The following AFF4 variants were observed in gnomAD, a reference collection of about 807,000 sequenced individuals.
AFF4 encodes the protein ALF transcription elongation factor 4.
A neutral mutation model predicts 124.8 loss-of-function variants in AFF4; 13 were observed. The ratio of observed to expected loss-of-function variants is 0.10; its 90% CI spans 0.07 to 0.17. AFF4 has a LOEUF of 0.17. AFF4 is among the 10% of genes least tolerant of loss of function. AFF4 has a pLI of 1.00. For synonymous variants in AFF4, 477 were observed against 496.1 expected, an observed-to-expected ratio of 0.96 and a Z score of 0.51; for missense variants, 1,092 against 1,403.8, an observed-to-expected ratio of 0.78 and a Z score of 3.55.
chr5:132,891,492 G>A (rs1419065585), intron 13 of AFF4, among the ~76,000 whole-genome samples: 2 of 152,072 alleles, frequency 1.3e-5, no homozygotes, highest in African/African-American at 4.8e-5. Context: ...CCTTGAAAAA[G>A]CTCCTTTGAT....
chr5:132,914,678 A>G (rs567606979), intron 5 of AFF4, among the ~76,000 whole-genome samples: 1 of 152,244 alleles, frequency 6.6e-6, no homozygotes, highest in South Asian at 2.1e-4. Context: ...AGTGCAATAA[A>G]AAACAAAAAC....
chr5:132,891,300 A>T (rs1760249331), intron 13 of AFF4, among the ~76,000 whole-genome samples: 1 of 152,128 alleles, frequency 6.6e-6, no homozygotes, highest in African/African-American at 2.4e-5. Context: ...AATTTAAAAA[A>T]TTTTAATTTT....
At position 132,937,084 on chromosome 5, in the gene AFF4, C is replaced by A. The variant is rs751424940; in HGVS notation, c.106G>T (p.Ala36Ser). 6.2e-7 allele frequency: 1 copy of A among 1,613,088 alleles called. No homozygotes were observed. Among genetic ancestry groups the A allele is most frequent in the East Asian group, 2.2e-5 (1 of 44,854 alleles). ...CAACTTACAACTTTGTATGGCTCTG[C>A]AAAGAGAGGAGAGCTAGGTGGGAAG... ...DAFPPSSPLFAEPYKVTSKED... is the reference protein window; with the variant it reads ...DAFPPSSPLFSEPYKVTSKED... Residue 36 changes from alanine (A) to serine (S), a missense_variant, in exon 2 of 21, where the codon GCA (alanine) becomes TCA (serine). This residue lies in a region of AFF4 where 35 missense variants were observed against 70.9 expected (regional missense o/e 0.49). Transcript: ENST00000265343.
intron 19 of AFF4, among the ~76,000 whole-genome samples, chr5:132,884,269 G>A (rs755945294): frequency 6.6e-6 from 1 of 152,156 alleles, no homozygotes; most frequent in Non-Finnish European, 1.5e-5. Flanking sequence ...AGACACTCAT[G>A]CTCTGTCACC....
chr5:132,900,325 G>A (rs1190105920), intron 7 of AFF4, among the ~76,000 whole-genome samples: 1 of 152,210 alleles, frequency 6.6e-6, no homozygotes, highest in Non-Finnish European at 1.5e-5. Flanking sequence ...GGGAGGCTGA[G>A]GTTGGCGGAT....
Position 132,896,886 on chromosome 5 carries a change from G to A in AFF4, c.1744C>T (p.Leu582=). 1.9e-6 allele frequency: 3 copies of A among 1,614,100 alleles called. No homozygotes were observed. The highest frequency in any genetic ancestry group is 2.5e-6 in the Non-Finnish European group (3 of 1,180,024). Residue 582 remains leucine, a synonymous_variant, in exon 11 of 21, where the codon CTG becomes TTG. Coordinates refer to ENST00000265343, the MANE Select transcript of AFF4 (RefSeq NM_014423.4). The part of the protein sequence containing the change: ...KAAAEEPRGG[L]KIESETPVDL... ...ACAGGGGTTTCACTTTCTATCTTCA[G>A]GCCTCCACGAGGCTCTTCAGCAGCT... is the stretch of plus-strand genomic sequence containing the variant.
intron 5 of AFF4, among the ~76,000 whole-genome samples, chr5:132,917,949 G>A (rs908854427): frequency 7.3e-5 from 11 of 150,722 alleles, no homozygotes; most frequent in East Asian, 5.9e-4. Flanking sequence ...TTGAACTCCC[G>A]ACCTCAGGTG....
At chr5:132,936,833 T>C (rs1193407966) in intron 2 of AFF4, among the ~76,000 whole-genome samples, 1 of 152,216 alleles carries the variant, frequency 6.6e-6, no homozygotes, top group African/African-American at 2.4e-5. Flanking sequence ...AAGCTGTTGA[T>C]GCTGTGAAAA....
At chr5:132,925,069 G>A (rs1020915126) in intron 5 of AFF4, among the ~76,000 whole-genome samples, 161 of 151,552 alleles carry the variant, frequency 1.1e-3, no homozygotes, top group African/African-American at 3.8e-3. Context: ...CAGCTACTCG[G>A]GAGGCTGAGA....
At position 132,887,902 on chromosome 5, in the gene AFF4, A is replaced by G; in HGVS notation, c.2877T>C (p.Asn959=). 1 of 1,613,920 alleles carries G rather than the reference A, an allele frequency of 6.2e-7. No homozygotes were observed. The highest frequency in any genetic ancestry group is 8.5e-7 in the Non-Finnish European group (1 of 1,179,972). Residue 959 remains asparagine, a synonymous_variant, in exon 16 of 21, where the codon AAT becomes AAC. Coordinates refer to ENST00000265343, the MANE Select transcript of AFF4 (RefSeq NM_014423.4). ...FIECGNALEK[N]AQESKSPFPM... ...GGAATGGGGATTTGGATTCCTGAGC[A>G]TTCTTCTCTAATGCATTCCCACATT...
At chr5:132,894,324 T>C (rs1760334221) in intron 11 of AFF4, among the ~76,000 whole-genome samples, 1 of 152,212 alleles carries the variant, frequency 6.6e-6, no homozygotes, top group African/African-American at 2.4e-5. Context: ...TTTCACAACT[T>C]TGCCAACATT....
intron 19 of AFF4, among the ~76,000 whole-genome samples, chr5:132,884,536 G>A (rs529590865): frequency 6.6e-6 from 1 of 152,122 alleles, no homozygotes; most frequent in East Asian, 1.9e-4. Context: ...TACCATGCCC[G>A]GCTTGTTTGT....
At chr5:132,923,270 G>C (rs1162624521) in intron 5 of AFF4, among the ~76,000 whole-genome samples, 1 of 152,088 alleles carries the variant, frequency 6.6e-6, no homozygotes, top group Non-Finnish European at 1.5e-5. Context: ...AGGATCACTT[G>C]AGCCTGGGAG....
chr5:132,954,472 G>A lies in AFF4; in HGVS notation c.-5+8787C>T, dbSNP rs538214299. Among the ~76,000 whole-genome samples, 13 of 152,254 alleles carry A rather than the reference G, an allele frequency of 8.5e-5. No individual in the cohort carries two copies. In the South Asian group the frequency reaches 1.9e-3, roughly 22 times the overall value. On this transcript the variant is annotated intron_variant, in intron 1 of 20. Coordinates refer to ENST00000265343, the MANE Select transcript of AFF4 (RefSeq NM_014423.4). ...TGCCAGCAGGAATTAACCCCATACC[G>A]GCTCATGGCAGCATCTAGGGGTGGT...
chr5:132,939,462 G>A (rs1761515019), intron 1 of AFF4, among the ~76,000 whole-genome samples: 1 of 152,142 alleles, frequency 6.6e-6, no homozygotes, highest in South Asian at 2.1e-4. Context: ...TTTGAACCAA[G>A]TAATAGTTTT....
intron 5 of AFF4, among the ~76,000 whole-genome samples, chr5:132,908,921 C>A (rs1366375710): frequency 6.6e-6 from 1 of 151,106 alleles, no homozygotes; most frequent in Non-Finnish European, 1.5e-5. Flanking sequence ...CAGGCACCTG[C>A]CACCACGCCC....
chr5:132,953,899 TA>T (rs1259198883), intron 1 of AFF4, among the ~76,000 whole-genome samples: 1 of 152,226 alleles, frequency 6.6e-6, no homozygotes, highest in African/African-American at 2.4e-5. Flanking sequence ...GTAATCTTTC[TA>T]AGACACAAGT....
chr5:132,898,490 C>CTTT, intron 9 of AFF4, 98 bp from the exon 10 acceptor site: 1 of 992,730 alleles, frequency 1.0e-6, no homozygotes, highest in Non-Finnish European at 1.4e-6. Context: ...TTCTTCTTGT[C>CTTT]TTTTTTTTTT....
intron 5 of AFF4, among the ~76,000 whole-genome samples, chr5:132,915,846 C>T (rs1311487974): frequency 1.3e-5 from 2 of 151,900 alleles, no homozygotes; most frequent in Non-Finnish European, 2.9e-5. Flanking sequence ...CCACTACGCC[C>T]GGCTGACTCA....
Sources: gnomAD v4.1 joint callset for allele counts (sites outside exome capture counted in the v4.1 genomes callset) on GRCh38, gnomAD v4.1.1 for gene constraint, gnomAD v4.1.1 regional missense constraint, MANE v1.5 for transcripts, NCBI Gene and HGNC (gene_info 2026-07-23, HGNC 2026-07-21) for gene names.